The following GRIK4 variants were observed in gnomAD, a reference collection of about 807,000 sequenced individuals.
The protein encoded by GRIK4 is glutamate receptor ionotropic, kainate 4.
A neutral mutation model predicts 104.9 loss-of-function variants in GRIK4; 40 were observed. That is an observed-to-expected ratio of 0.38 (90% CI 0.30 to 0.50). The LOEUF (loss-of-function observed/expected upper bound fraction) is 0.50, where lower values mean the gene tolerates loss of function less well. GRIK4 is among the 20% of genes least tolerant of loss of function. The probability of loss-of-function intolerance (pLI) is 0.93; values close to 1 mark genes in which losing one functional copy is unlikely to be tolerated. For missense variants in GRIK4, 1,047 were observed against 1,308.1 expected (o/e 0.80, Z 3.08); for synonymous variants, 485 against 524.9 (o/e 0.92, Z 1.04).
At chr11:120,885,151 C>G (rs562898419) in intron 11 of GRIK4, among the ~76,000 whole-genome samples, 1 of 152,260 alleles carries the variant, frequency 6.6e-6, no homozygotes, top group Non-Finnish European at 1.5e-5. Flanking sequence ...TGCCTGAGCT[C>G]TCTGATAAAT....
At chr11:120,695,588 G>C (rs1048688815) in intron 3 of GRIK4, among the ~76,000 whole-genome samples, 1 of 152,108 alleles carries the variant, frequency 6.6e-6, no homozygotes, top group Non-Finnish European at 1.5e-5. Flanking sequence ...GTCAGCCTGC[G>C]GGGTCTGGCC....
At chr11:120,913,401 GC>G (rs1943040291) in intron 13 of GRIK4, among the ~76,000 whole-genome samples, 1 of 151,598 alleles carries the variant, frequency 6.6e-6, no homozygotes, top group African/African-American at 2.4e-5. Context: ...GACTTCCAAG[GC>G]CCCTTCTGCT....
intron 1 of GRIK4, among the ~76,000 whole-genome samples, chr11:120,560,667 T>G (rs1407594613): frequency 6.6e-6 from 1 of 152,232 alleles, no homozygotes; most frequent in Non-Finnish European, 1.5e-5. Flanking sequence ...TTGAGTGGTC[T>G]TAGATCACTC....
intron 8 of GRIK4, among the ~76,000 whole-genome samples, chr11:120,851,728 A>G (rs929817941): frequency 3.3e-5 from 5 of 151,660 alleles, no homozygotes; most frequent in Admixed American, 6.6e-5. Context: ...GTGGGAACCT[A>G]TCTGAGAGCC....
chr11:120,557,235 C>T (rs1242022923), intron 1 of GRIK4, among the ~76,000 whole-genome samples: 3 of 152,188 alleles, frequency 2.0e-5, no homozygotes, highest in Non-Finnish European at 4.4e-5. Flanking sequence ...CTCTCCTGTC[C>T]CCCCCGAGGA....
chr11:120,616,969 A>G (rs1736341071), intron 1 of GRIK4, among the ~76,000 whole-genome samples: 1 of 152,194 alleles, frequency 6.6e-6, no homozygotes, highest in African/African-American at 2.4e-5. Flanking sequence ...AGCCTCTGCT[A>G]GAATGATCAA....
At chr11:120,973,778 C>T (rs937183135) in intron 19 of GRIK4, among the ~76,000 whole-genome samples, 4 of 152,224 alleles carry the variant, frequency 2.6e-5, no homozygotes, top group African/African-American at 7.2e-5. Context: ...GAAGCACTAG[C>T]CCGAAACGGG....
chr11:120,654,534 T>C (rs943694141), intron 2 of GRIK4, among the ~76,000 whole-genome samples: 8 of 152,218 alleles, frequency 5.3e-5, no homozygotes, highest in Admixed American at 3.9e-4. Flanking sequence ...GGCTAACTTT[T>C]GTATTTTTAG....
intron 11 of GRIK4, among the ~76,000 whole-genome samples, chr11:120,887,321 T>C (rs1955150459): frequency 6.6e-6 from 1 of 152,162 alleles, no homozygotes; most frequent in South Asian, 2.1e-4. Context: ...TGAGACCTTC[T>C]GGGGTTGCCT....
At chr11:120,659,501 G>A (rs979489425) in intron 2 of GRIK4, among the ~76,000 whole-genome samples, 2 of 152,284 alleles carry the variant, frequency 1.3e-5, no homozygotes, top group African/African-American at 4.8e-5. Context: ...CCACCAGGAG[G>A]GGTTGTTATA....
chr11:120,582,102 C>T (rs972809513), intron 1 of GRIK4, among the ~76,000 whole-genome samples: 10 of 152,132 alleles, frequency 6.6e-5, no homozygotes, highest in Non-Finnish European at 1.5e-4. Context: ...CCACCGCGCC[C>T]AGCCTGAATG....
In GRIK4 at chr11:120,986,047, G is replaced by A. The variant is rs1839668275; in HGVS notation, c.2658G>A (p.Thr886=). The change falls in exon 21 of 21, where the codon ACG becomes ACA. Residue 886 remains threonine, a synonymous_variant. Coordinates refer to ENST00000527524, the MANE Select transcript of GRIK4 (RefSeq NM_014619.5). The part of the protein sequence containing the change: ...PEERRPRGTA[T]LSNGKLCGAG... The stretch of plus-strand genomic sequence containing the variant: ...AGCGCCGACCGCGGGGCACGGCGAC[G>A]CTCAGCAACGGGAAGCTGTGCGGGG... 1.3e-6 allele frequency: 2 copies of A among 1,522,294 alleles called. No individual in the cohort carries two copies. The highest frequency in any genetic ancestry group is 1.8e-6 in the Non-Finnish European group (2 of 1,137,278). The allele number at this position is 1,522,294 out of a possible 1,614,324, so 94.3% of individuals were successfully genotyped here. A position where few individuals can be genotyped will look rare whatever the true frequency, so the allele number is the denominator to read the frequency against.
intron 3 of GRIK4, among the ~76,000 whole-genome samples, chr11:120,740,477 C>A (rs1051804810): frequency 6.6e-6 from 1 of 152,300 alleles, no homozygotes; most frequent in South Asian, 2.1e-4. Context: ...AGAGCTGTCC[C>A]GTGGCCCTGT....
chr11:120,901,098 C>A (rs1217205745), intron 12 of GRIK4, among the ~76,000 whole-genome samples: 2 of 152,226 alleles, frequency 1.3e-5, no homozygotes, highest in Admixed American at 6.5e-5. Context: ...CTGGCAGGCT[C>A]CCTTCTTTGT....
chr11:120,825,246 T>A (rs1288629213), intron 6 of GRIK4, among the ~76,000 whole-genome samples: 1 of 152,158 alleles, frequency 6.6e-6, no homozygotes, highest in African/African-American at 2.4e-5. Context: ...TATTTTAATG[T>A]CCTTTTTGTG....
chr11:120,937,041 T>C (rs1323147864), intron 13 of GRIK4, among the ~76,000 whole-genome samples: 1 of 152,132 alleles, frequency 6.6e-6, no homozygotes, highest in Non-Finnish European at 1.5e-5. Context: ...AATGTCTTTT[T>C]TTTGTTTTGT....
intron 3 of GRIK4, among the ~76,000 whole-genome samples, chr11:120,790,608 G>A (rs1185141543): frequency 6.6e-6 from 1 of 152,226 alleles, no homozygotes; most frequent in Non-Finnish European, 1.5e-5. Context: ...TTCAGTAGAA[G>A]GTGAGTCTGC....
At chr11:120,735,691 G>GA (rs56007111) in intron 3 of GRIK4, among the ~76,000 whole-genome samples, 11 of 150,942 alleles carry the variant, frequency 7.3e-5, no homozygotes, top group East Asian at 1.9e-4. Context: ...GGATTGGAGT[G>GA]AAAAAAAAAG....
intron 3 of GRIK4, among the ~76,000 whole-genome samples, chr11:120,773,767 C>T (rs1020623734): frequency 6.6e-6 from 1 of 152,154 alleles, no homozygotes; most frequent in African/African-American, 2.4e-5. Context: ...AAAATTGTCC[C>T]CTGGGACTTT....
Sources: allele counts gnomAD v4.1 joint callset (sites outside exome capture counted in the v4.1 genomes callset), GRCh38; gene constraint gnomAD v4.1.1; transcripts MANE v1.5; gene names NCBI Gene and HGNC (gene_info 2026-07-23, HGNC 2026-07-21).